NBPF12: variants seen among roughly 807,000 people sequenced by gnomAD.
The protein encoded by NBPF12 is NBPF member 12, also known as NBPF family member NBPF12.
In NBPF12, 115 loss-of-function variants were observed where a neutral mutation model predicts 146.4. That is an observed-to-expected ratio of 0.79 (90% CI 0.68 to 0.92). The LOEUF (loss-of-function observed/expected upper bound fraction) is 0.92, where lower values mean the gene tolerates loss of function less well. Among genes scored for constraint, NBPF12 ranks in the 40% least tolerant of loss-of-function variants. The pLI, the probability that NBPF12 is intolerant of heterozygous loss-of-function variation, is 0.00. For missense variants in NBPF12, 1,205 were observed against 1,326.8 expected, an observed-to-expected ratio of 0.91 and a Z score of 1.43; for synonymous variants, 385 against 508.9, an observed-to-expected ratio of 0.76 and a Z score of 3.28.
At chr1:146,961,871 G>C (rs1203506014) in intron 4 of NBPF12, among the ~76,000 whole-genome samples, 8 of 152,104 alleles carry the variant, frequency 5.3e-5, no homozygotes, top group Non-Finnish European at 8.8e-5. Flanking sequence ...CCCGCATTCA[G>C]AGTCAGACCT....
intron 8 of NBPF12, 85 bp downstream of exon 11, chr1:146,965,189 G>A: frequency 1.2e-6 from 1 of 839,984 alleles, no homozygotes; most frequent in South Asian, 1.4e-5. Context: ...TACACATATT[G>A]TTATTGTTTT....
intron 4 of NBPF12, among the ~76,000 whole-genome samples, chr1:146,961,163 GATAA>G (rs1162402862): frequency 6.6e-5 from 10 of 151,878 alleles, no homozygotes; most frequent in Non-Finnish European, 1.2e-4. Flanking sequence ...CAAACAAAAG[GATAA>G]ATAAATCAAA....
chr1:146,984,611 G>A (rs1657622490), intron 21 of NBPF12, among the ~76,000 whole-genome samples: 1 of 107,932 alleles, frequency 9.3e-6, no homozygotes, highest in African/African-American at 3.7e-5. Flanking sequence ...GTGTGTGTGT[G>A]TGTGTGTGTG....
At chr1:146,984,665 C>G in intron 21 of NBPF12, 148 bp from the exon 25 acceptor site, 2 of 685,710 alleles carry the variant, frequency 2.9e-6, no homozygotes, top group Non-Finnish European at 5.2e-6. Context: ...TAGTCTATCA[C>G]AACATAAAGG....
At chr1:146,938,390 G>A (rs1416260516), upstream of NBPF12, among the ~76,000 whole-genome samples, 5 of 152,110 alleles carry the variant, frequency 3.3e-5, no homozygotes, top group African/African-American at 1.2e-4. Context: ...GTCGCTCCAG[G>A]CTTCCGAGGG....
chr1:146,951,702 A>G, intron 2 of NBPF12: 1 of 506,742 alleles, frequency 2.0e-6, no homozygotes, highest in South Asian at 2.5e-5. Context: ...ATTAGGCTTA[A>G]ATTTAATGTA....
chr1:146,972,415 A>G (rs1264984467), intron 13 of NBPF12, among the ~76,000 whole-genome samples: 1 of 150,918 alleles, frequency 6.6e-6, no homozygotes, highest in Non-Finnish European at 1.5e-5. Context: ...AAAAAACCAA[A>G]AAAGAAAAAA....
At chr1:146,965,791 CAAAAA>C (rs1162462110) in intron 8 of NBPF12, among the ~76,000 whole-genome samples, 22 of 30,042 alleles carry the variant, frequency 7.3e-4, no homozygotes, top group South Asian at 3.4e-3. Context: ...GACTGCATCT[CAAAAA>C]AAAAAAAAAA....
intron 2 of NBPF12, among the ~76,000 whole-genome samples, chr1:146,954,782 A>T (rs1459790267): frequency 1.3e-5 from 2 of 150,344 alleles, no homozygotes; most frequent in Non-Finnish European, 3.0e-5. Flanking sequence ...TTGAAAAAAA[A>T]ATAGAATATA....
At chr1:146,948,081 G>C (rs1316620495), upstream of NBPF12, among the ~76,000 whole-genome samples, 1 of 151,894 alleles carries the variant, frequency 6.6e-6, no homozygotes, top group Non-Finnish European at 1.5e-5. Context: ...CGCCATCTCA[G>C]CTCACTGCAA....
At chr1:146,960,798 C>G (rs1655799334) in intron 4 of NBPF12, among the ~76,000 whole-genome samples, 1 of 151,988 alleles carries the variant, frequency 6.6e-6, no homozygotes, top group South Asian at 2.1e-4. Context: ...TGAGGGGCTT[C>G]AAGAGGAGTC....
upstream of NBPF12, among the ~76,000 whole-genome samples, chr1:146,947,674 C>T (rs1321084863): frequency 5.2e-5 from 7 of 134,848 alleles, no homozygotes; most frequent in Non-Finnish European, 1.1e-4. Context: ...CCCTGGTCCC[C>T]ATGACTGGGT....
intron 15 of NBPF12, among the ~76,000 whole-genome samples, chr1:146,975,433 G>C (rs1656927133): frequency 1.3e-5 from 2 of 150,224 alleles, no homozygotes. Context: ...ACCTACTTTT[G>C]TTTACAGAGG....
At position 146,984,760 on chromosome 1, in the gene NBPF12, G is replaced by T. The variant is rs1385507018; in HGVS notation, c.2667-53G>T. ...TTAGCCATGAAATCTAGCTGGGGCTGTGTGGTTTCTGATTCCCCCTGGCTT... is the reference window on the plus strand; with the variant it reads ...TTAGCCATGAAATCTAGCTGGGGCTTTGTGGTTTCTGATTCCCCCTGGCTT... On this transcript the variant is annotated intron_variant, in intron 21 of 33. Transcript: ENST00000617844. 16 of 838,836 alleles carry T rather than the reference G, an allele frequency of 1.9e-5. No homozygotes were observed. The East Asian group carries it at 1.9e-4, about 10-fold the overall frequency. The allele number at this position is 838,836 out of a possible 1,614,324, so 52.0% of individuals were successfully genotyped here.
At chr1:146,978,699 A>T (rs1463935862) in intron 18 of NBPF12, among the ~76,000 whole-genome samples, 1 of 146,716 alleles carries the variant, frequency 6.8e-6, no homozygotes, top group Non-Finnish European at 1.5e-5. Flanking sequence ...TTGGGGAAAA[A>T]ATTTTGTTTA....
chr1:146,965,138 G>A (rs1169695752), intron 8 of NBPF12, 34 bp downstream of exon 11: 22 of 1,176,734 alleles, frequency 1.9e-5, no homozygotes, highest in Non-Finnish European at 2.7e-5. Context: ...TCATACCTCT[G>A]TCTAGGCTAT....
At position 146,963,096 on chromosome 1, in the gene NBPF12, C is replaced by G. The variant is rs1292272538; in HGVS notation, c.280C>G (p.Gln94Glu). Residue 94 changes from glutamine to glutamate, a missense_variant and splice_region_variant, in exon 6 of 34, where the codon CAA becomes GAA. By Grantham distance (29) the Gln-to-Glu change is conservative. Coordinates refer to ENST00000617844, the Ensembl canonical transcript of NBPF12. The stretch of plus-strand genomic sequence containing the variant: ...ATTTTCTCTACCGTCTCACCTTAGG[C>G]AATATAAAGTCCTGGTTCACTCTCA... 1,381 of 1,609,106 alleles carry G rather than the reference C, an allele frequency of 8.6e-4. 24 individuals are homozygous for G. The African/African-American group carries it at 0.016, about 18-fold the overall frequency.
At position 146,968,692 on chromosome 1, in the gene NBPF12, T is replaced by A. The variant is rs1656365920; in HGVS notation, c.1091+142T>A. ...TGGCAGGCTCGCTACACACAAATATTTATCAAACAGAGAAGAAGGATAATA... is the reference window on the plus strand; with the variant it reads ...TGGCAGGCTCGCTACACACAAATATATATCAAACAGAGAAGAAGGATAATA... On this transcript the variant is annotated intron_variant, in intron 10 of 33. Coordinates refer to ENST00000617844, the Ensembl canonical transcript of NBPF12. 3 of 741,906 alleles carry A rather than the reference T, an allele frequency of 4.0e-6. No individual in the cohort carries two copies. The South Asian group carries it at 4.6e-5, about 11-fold the overall frequency. 46.0% of individuals were successfully genotyped at this position (741,906 alleles called of 1,614,324 possible).
At chr1:146,975,261 C>T (rs1656909814) in intron 15 of NBPF12, among the ~76,000 whole-genome samples, 1 of 133,234 alleles carries the variant, frequency 7.5e-6, no homozygotes, top group South Asian at 2.4e-4. Flanking sequence ...TTCTTTTCTT[C>T]TTTCGTCTTT....
Sources: allele counts gnomAD v4.1 joint callset (sites outside exome capture counted in the v4.1 genomes callset), GRCh38; gene constraint gnomAD v4.1.1; transcripts MANE v1.5; gene names NCBI Gene and HGNC (gene_info 2026-07-23, HGNC 2026-07-21).